THSD4: variants seen among roughly 807,000 people sequenced by gnomAD.
The protein encoded by THSD4 is thrombospondin type-1 domain-containing protein 4.
Under a neutral mutation model 119.0 loss-of-function variants are expected in THSD4, and 69 were observed. The ratio of observed to expected loss-of-function variants is 0.58; its 90% confidence interval spans 0.48 to 0.71. The LOEUF (loss-of-function observed/expected upper bound fraction) is 0.71. Among genes scored for constraint, THSD4 ranks in the 30% least tolerant of loss-of-function variants. THSD4 has a pLI of 0.00. For synonymous variants in THSD4, 524 were observed against 540.4 expected, an observed-to-expected ratio of 0.97 and a Z score of 0.42; for missense variants, 1,393 against 1,391.1, an observed-to-expected ratio of 1.00 and a Z score of -0.02.
chr15:71,441,759 C>G (rs927602333), intron 7 of THSD4, among the ~76,000 whole-genome samples: 3 of 152,024 alleles, frequency 2.0e-5, no homozygotes, highest in Admixed American at 6.6e-5. Context: ...CTCTCAGGAG[C>G]TGGATCTCCT....
At chr15:71,562,542 G>A (rs148295949) in intron 7 of THSD4, among the ~76,000 whole-genome samples, 367 of 152,134 alleles carry the variant, frequency 2.4e-3, no homozygotes, top group African/African-American at 8.1e-3. Context: ...CTGACCTCAC[G>A]TTCTGACACT....
intron 16 of THSD4, among the ~76,000 whole-genome samples, chr15:71,769,946 AAAAG>A (rs61452016): frequency 2.4e-5 from 2 of 83,420 alleles, no homozygotes; most frequent in Non-Finnish European, 4.5e-5. Context: ...AAAAAAAAAA[AAAAG>A]AATGGACTTT....
chr15:71,256,985 C>T (rs1168460898), intron 6 of THSD4, among the ~76,000 whole-genome samples: 1 of 152,118 alleles, frequency 6.6e-6, no homozygotes, highest in East Asian at 1.9e-4. Context: ...GTGAGGGGGA[C>T]AGAACAGGGT....
At chr15:71,248,067 G>A (rs1462998736) in intron 5 of THSD4, among the ~76,000 whole-genome samples, 1 of 152,192 alleles carries the variant, frequency 6.6e-6, no homozygotes, top group Non-Finnish European at 1.5e-5. Flanking sequence ...GAGGCCAGAG[G>A]CCAGGAGTTC....
chr15:71,428,584 G>C lies in THSD4; in HGVS notation c.1152+16761G>C, dbSNP rs566379561. Among the ~76,000 whole-genome samples, 15 of 152,176 alleles carry C rather than the reference G, an allele frequency of 9.9e-5. No homozygotes were observed. The South Asian group carries it at 2.9e-3, about 30-fold the overall frequency. On this transcript the variant is annotated intron_variant, in intron 7 of 17. Transcript: ENST00000261862. ...TCATTTAAATTCCTGGCAAAATTCA[G>C]GTCAAACCAAGTAGTTAGAAGCACC...
chr15:71,702,691 G>A (rs1184273570), intron 8 of THSD4, among the ~76,000 whole-genome samples: 1 of 152,128 alleles, frequency 6.6e-6, no homozygotes, highest in Non-Finnish European at 1.5e-5. Flanking sequence ...TTCTGACCAC[G>A]GGGCCTTTGC....
intron 7 of THSD4, among the ~76,000 whole-genome samples, chr15:71,413,617 T>C (rs898900633): frequency 5.9e-5 from 9 of 152,370 alleles, no homozygotes; most frequent in Non-Finnish European, 1.3e-4. Flanking sequence ...TCCATGCTAT[T>C]GCAAATGACA....
intron 7 of THSD4, among the ~76,000 whole-genome samples, chr15:71,496,586 C>T (rs185260744): frequency 4.6e-5 from 7 of 152,262 alleles, no homozygotes; most frequent in African/African-American, 9.6e-5. Context: ...GCAAAAAGTA[C>T]GTTACTCCCT....
intron 7 of THSD4, among the ~76,000 whole-genome samples, chr15:71,626,873 C>T (rs1321882865): frequency 6.6e-6 from 1 of 152,220 alleles, no homozygotes; most frequent in African/African-American, 2.4e-5. Context: ...AGATGGGCAG[C>T]TTTCCTTCTT....
intron 8 of THSD4, among the ~76,000 whole-genome samples, chr15:71,686,676 TG>T (rs1343268755): frequency 6.6e-6 from 1 of 152,048 alleles, no homozygotes; most frequent in East Asian, 1.9e-4. Flanking sequence ...AAGTCAGTAG[TG>T]ATGGAGGACA....
At chr15:71,140,387 T>C (rs1004468670) in intron 1 of THSD4, among the ~76,000 whole-genome samples, 2 of 152,068 alleles carry the variant, frequency 1.3e-5, no homozygotes, top group Non-Finnish European at 2.9e-5. Flanking sequence ...TTAGGCTCTT[T>C]TTAACAATCA....
At chr15:71,563,781 T>A (rs1443341476) in intron 7 of THSD4, among the ~76,000 whole-genome samples, 5 of 152,208 alleles carry the variant, frequency 3.3e-5, no homozygotes. Flanking sequence ...GGCCCCTTTT[T>A]TCCAGTTACT....
At chr15:71,576,565 GT>G (rs375413251) in intron 7 of THSD4, among the ~76,000 whole-genome samples, 58 of 152,164 alleles carry the variant, frequency 3.8e-4, no homozygotes, top group African/African-American at 1.3e-3. Flanking sequence ...CCTTCATTTT[GT>G]TTTTTGTTAG....
At chr15:71,479,194 T>TTTTTTTTTTTTTG in intron 7 of THSD4, among the ~76,000 whole-genome samples, 1 of 147,382 alleles carries the variant, frequency 6.8e-6, no homozygotes, top group Admixed American at 7.1e-5. Context: ...TTTTTTTTTT[T>TTTTTTTTTTTTTG]TTTTTTTTGT....
intron 3 of THSD4, among the ~76,000 whole-genome samples, chr15:71,187,858 G>A (rs1196547444): frequency 6.6e-6 from 1 of 152,188 alleles, no homozygotes; most frequent in African/African-American, 2.4e-5. Flanking sequence ...AGCGAGTTTG[G>A]TTCCCAGCAT....
intron 7 of THSD4, among the ~76,000 whole-genome samples, chr15:71,554,084 TGTTTG>T (rs2048977310): frequency 9.9e-6 from 1 of 100,824 alleles, no homozygotes; most frequent in Admixed American, 1.1e-4. Flanking sequence ...GTTTGTTTTT[TGTTTG>T]GTTTGGTTTT....
intron 4 of THSD4, among the ~76,000 whole-genome samples, chr15:71,237,972 G>A (rs373847780): frequency 2.6e-5 from 4 of 152,110 alleles, no homozygotes; most frequent in Non-Finnish European, 5.9e-5. Flanking sequence ...CCAGACGCCC[G>A]TTGGATGAAC....
intron 15 of THSD4, among the ~76,000 whole-genome samples, chr15:71,758,920 G>A (rs973459617): frequency 3.9e-5 from 6 of 152,090 alleles, no homozygotes; most frequent in Admixed American, 6.6e-5. Context: ...CCATAAAAAT[G>A]TTCCTTTGCC....
Position 71,701,266 on chromosome 15 carries a change from A to G in THSD4, c.1358-27283A>G, listed in dbSNP as rs563291875. 5.3e-5 allele frequency among the ~76,000 whole-genome samples: 8 copies of G among 152,354 alleles called. No individual in the cohort carries two copies. In the South Asian group the frequency reaches 1.7e-3, roughly 32 times the overall value. On this transcript the variant is annotated intron_variant, in intron 8 of 17. Transcript: ENST00000261862. Reference sequence around the variant, plus strand: ...CAATGATTTTTAAATATATGAAAAGATATTTATTACCCACTAGTAATCAGG... The same window carrying G: ...CAATGATTTTTAAATATATGAAAAGGTATTTATTACCCACTAGTAATCAGG...
Sources: allele counts gnomAD v4.1 joint callset (sites outside exome capture counted in the v4.1 genomes callset), GRCh38; gene constraint gnomAD v4.1.1; transcripts MANE v1.5; gene names NCBI Gene and HGNC (gene_info 2026-07-23, HGNC 2026-07-21).